CCDC171: variants seen among roughly 807,000 people sequenced by gnomAD.
CCDC171 encodes the protein coiled-coil domain containing 171, also known as coiled-coil domain-containing protein 171.
A neutral mutation model predicts 168.2 loss-of-function variants in CCDC171; 177 were observed. The ratio of observed to expected loss-of-function variants is 1.05; its 90% CI spans 0.93 to 1.19. CCDC171 has a LOEUF of 1.19. CCDC171 is among the 50% of genes most tolerant of loss of function. The pLI is 0.00. For missense variants in CCDC171, 1,991 were observed against 1,539.0 expected (o/e 1.29, Z -4.91); for synonymous variants, 687 against 540.8 (o/e 1.27, Z -3.75).
chr9:16,009,724 G>T (rs56774729), intron 3 of CCDC171, among the ~76,000 whole-genome samples: 1 of 151,988 alleles, frequency 6.6e-6, no homozygotes, highest in Non-Finnish European at 1.5e-5. Flanking sequence ...ACATGCATTC[G>T]TTTTTTTAAA....
intron 20 of CCDC171, among the ~76,000 whole-genome samples, chr9:15,780,076 G>A (rs1001862639): frequency 6.6e-6 from 1 of 152,202 alleles, no homozygotes; most frequent in African/African-American, 2.4e-5. Flanking sequence ...CAGTAACAGA[G>A]GCAGCAGCAG....
At chr9:15,879,501 T>A (rs1402707195) in intron 24 of CCDC171, among the ~76,000 whole-genome samples, 1 of 152,174 alleles carries the variant, frequency 6.6e-6, no homozygotes, top group East Asian at 1.9e-4. Flanking sequence ...TAATTATAAT[T>A]TCCCTATTAT....
At chr9:15,903,757 G>A (rs1822074136) in intron 24 of CCDC171, among the ~76,000 whole-genome samples, 1 of 152,158 alleles carries the variant, frequency 6.6e-6, no homozygotes, top group East Asian at 1.9e-4. Context: ...CGAACCCATG[G>A]CAAAGAAGTT....
intron 10 of CCDC171, among the ~76,000 whole-genome samples, chr9:15,693,674 C>G (rs981608529): frequency 1.7e-4 from 26 of 152,118 alleles, no homozygotes; most frequent in Admixed American, 5.9e-4. Flanking sequence ...TGTAAACAAA[C>G]ATCAATTAAT....
chr9:15,893,010 G>A (rs1270461176), intron 24 of CCDC171, among the ~76,000 whole-genome samples: 1 of 152,118 alleles, frequency 6.6e-6, no homozygotes, highest in Non-Finnish European at 1.5e-5. Flanking sequence ...AAAGCTTGAG[G>A]CATCATGCTG....
chr9:16,051,143 A>G (rs1833743818), intron 1 of CCDC171, among the ~76,000 whole-genome samples: 1 of 152,190 alleles, frequency 6.6e-6, no homozygotes, highest in East Asian at 1.9e-4. Flanking sequence ...AATGTTTTTT[A>G]AATAATTTAT....
intron 21 of CCDC171, among the ~76,000 whole-genome samples, chr9:15,806,192 G>C (rs550042959): frequency 6.6e-6 from 1 of 152,160 alleles, no homozygotes; most frequent in South Asian, 2.1e-4. Flanking sequence ...TATCTAGCTT[G>C]CCACTCTGTG....
At chr9:15,574,361 TC>T (rs1335318581) in intron 3 of CCDC171, among the ~76,000 whole-genome samples, 2 of 151,942 alleles carry the variant, frequency 1.3e-5, no homozygotes, top group Admixed American at 6.6e-5. Context: ...GCCAGGCTGG[TC>T]TCGAACTCCT....
At chr9:15,605,515 T>A (rs1255063323) in intron 6 of CCDC171, among the ~76,000 whole-genome samples, 17 of 99,122 alleles carry the variant, frequency 1.7e-4, no homozygotes, top group Admixed American at 3.4e-4. Flanking sequence ...CTGTCTCTAC[T>A]AAAAAAAAAA....
chr9:15,564,576 C>T (rs146320260), intron 2 of CCDC171, among the ~76,000 whole-genome samples: 3 of 152,214 alleles, frequency 2.0e-5, no homozygotes, highest in Non-Finnish European at 4.4e-5. Context: ...TACTTGGTAT[C>T]TCTCAGTTTA....
intron 25 of CCDC171, among the ~76,000 whole-genome samples, chr9:15,942,389 G>A (rs950538569): frequency 6.6e-6 from 1 of 151,826 alleles, no homozygotes; most frequent in Non-Finnish European, 1.5e-5. Context: ...AAGGTCGTCT[G>A]GTATGTCAGA....
intron 9 of CCDC171, among the ~76,000 whole-genome samples, chr9:15,670,390 A>C (rs1355996051): frequency 6.6e-6 from 1 of 152,202 alleles, no homozygotes; most frequent in Admixed American, 6.5e-5. Context: ...CAGTCTAATG[A>C]ATAAAATGGT....
the CCDC171 span, among the ~76,000 whole-genome samples, chr9:16,094,006 C>T: frequency 3.9e-5 from 6 of 152,324 alleles, no homozygotes; most frequent in South Asian, 1.2e-3. Context: ...TTGAGCCAAA[C>T]TGGGCCAATG....
At position 15,700,456 on chromosome 9, in the gene CCDC171, C is replaced by T. The variant is rs542259907; in HGVS notation, c.1318+5119C>T. ...CCTCCCTGCAAGCTGAGGGAGTGGG[C>T]TGCGGCCTTGGCCAGCCCAGAAAGG... On this transcript the variant is annotated intron_variant, in intron 11 of 25. Coordinates refer to ENST00000380701, the MANE Select transcript of CCDC171 (RefSeq NM_173550.4). Among the ~76,000 whole-genome samples the T allele has an allele frequency of 9.2e-5, 14 of 152,294 alleles. No individual in the cohort carries two copies. In the South Asian group the frequency reaches 2.9e-3, roughly 32 times the overall value.
At position 15,724,944 on chromosome 9, in the gene CCDC171, A is replaced by G. The variant is rs1290405970; in HGVS notation, c.1660A>G (p.Lys554Glu). The G allele has an allele frequency of 1.2e-6, 2 of 1,613,798 alleles. No homozygotes were observed. The highest frequency in any genetic ancestry group is 1.3e-5 in the African/African-American group (1 of 74,908). Residue 554 changes from lysine to glutamate, a missense_variant, in exon 14 of 26, where the codon AAG becomes GAG. By Grantham distance (56) the Lys-to-Glu change is moderately conservative. Transcript: ENST00000380701. ...AGCCCAGTCTGAAAGTGAACTGCAG[A>G]AGCTTTCCCAGGCTTTCCATAAGGA... Reference protein sequence around the residue: ...QAAQSESELQKLSQAFHKDAE... With the variant: ...QAAQSESELQELSQAFHKDAE...
intron 1 of CCDC171, among the ~76,000 whole-genome samples, chr9:15,560,648 T>C (rs2039219202): frequency 6.6e-6 from 1 of 152,168 alleles, no homozygotes; most frequent in South Asian, 2.1e-4. Context: ...TTCAAGGTTT[T>C]TAGCTTCTTT....
At chr9:15,795,124 G>A (rs1006012412) in intron 21 of CCDC171, among the ~76,000 whole-genome samples, 2 of 152,156 alleles carry the variant, frequency 1.3e-5, no homozygotes, top group East Asian at 1.9e-4. Flanking sequence ...TCAAGTTGTG[G>A]CATCTGGTGA....
intron 18 of CCDC171, among the ~76,000 whole-genome samples, chr9:15,755,208 G>T (rs1259159718): frequency 6.6e-6 from 1 of 152,084 alleles, no homozygotes; most frequent in South Asian, 2.1e-4. Flanking sequence ...TCCTTAACGT[G>T]TTCATGTTTG....
intron 24 of CCDC171, among the ~76,000 whole-genome samples, chr9:15,882,525 T>G (rs958339248): frequency 6.6e-6 from 1 of 152,204 alleles, no homozygotes; most frequent in African/African-American, 2.4e-5. Flanking sequence ...CAGATCAGTG[T>G]CCTGGAGTGT....
Sources: gnomAD v4.1 joint callset for allele counts (sites outside exome capture counted in the v4.1 genomes callset) on GRCh38, gnomAD v4.1.1 for gene constraint, MANE v1.5 for transcripts, NCBI Gene and HGNC (gene_info 2026-07-23, HGNC 2026-07-21) for gene names.